Variants in DNAH11 observed in about 807,000 individuals in gnomAD.
DNAH11 encodes the protein axonemal beta dynein heavy chain 11.
In DNAH11, 442 loss-of-function variants were observed where a neutral mutation model predicts 526.0. That is an observed-to-expected ratio of 0.84 (90% CI 0.78 to 0.91). DNAH11 has a LOEUF of 0.91. Ranked by LOEUF, DNAH11 falls within the 40% of genes least tolerant of loss-of-function variation. The pLI, the probability that DNAH11 is intolerant of heterozygous loss-of-function variation, is 0.00. For missense variants in DNAH11, 6,989 were observed against 5,448.7 expected, an observed-to-expected ratio of 1.28 and a Z score of -8.90; for synonymous variants, 2,461 against 1,935.9, an observed-to-expected ratio of 1.27 and a Z score of -7.12.
chr7:21,815,599 G>A (rs1234879586), intron 63 of DNAH11, among the ~76,000 whole-genome samples: 3 of 152,062 alleles, frequency 2.0e-5, no homozygotes, highest in Non-Finnish European at 4.4e-5. Flanking sequence ...GTCTCTTATG[G>A]AGGCATGCTT....
At chr7:21,781,677 G>C (rs1787945735) in intron 57 of DNAH11, among the ~76,000 whole-genome samples, 1 of 152,158 alleles carries the variant, frequency 6.6e-6, no homozygotes, top group Non-Finnish European at 1.5e-5. Flanking sequence ...CTGGGTTTTA[G>C]AGGATCATAA....
At chr7:21,676,717 AC>A in intron 30 of DNAH11, among the ~76,000 whole-genome samples, 1 of 152,306 alleles carries the variant, frequency 6.6e-6, no homozygotes, top group Admixed American at 6.5e-5. Context: ...TTACAATTAT[AC>A]ATGTTCTTAT....
intron 65 of DNAH11, among the ~76,000 whole-genome samples, chr7:21,819,657 G>A (rs1043245547): frequency 2.6e-5 from 4 of 152,146 alleles, no homozygotes; most frequent in Non-Finnish European, 5.9e-5. Context: ...CACAATTTAG[G>A]TGTAAGCAAT....
chr7:21,676,797 A>G (rs1782910025), intron 30 of DNAH11, among the ~76,000 whole-genome samples: 4 of 152,358 alleles, frequency 2.6e-5, no homozygotes, highest in African/African-American at 7.2e-5. Flanking sequence ...TAGTGGTGTA[A>G]GATTGGATAC....
At chr7:21,553,364 T>A (rs1783096485) in intron 2 of DNAH11, among the ~76,000 whole-genome samples, 1 of 152,194 alleles carries the variant, frequency 6.6e-6, no homozygotes, top group Non-Finnish European at 1.5e-5. Flanking sequence ...TAACATTTTC[T>A]TGAATATCAG....
At chr7:21,900,824 C>G in intron 81 of DNAH11, 183 bp from the exon 82 acceptor site, 1 of 914,324 alleles carries the variant, frequency 1.1e-6, no homozygotes, top group Non-Finnish European at 1.6e-6. Flanking sequence ...GCGGTGCCTC[C>G]GCTGCAGGCA....
chr7:21,639,627 A>G (rs1205866609), intron 28 of DNAH11, among the ~76,000 whole-genome samples: 1 of 152,210 alleles, frequency 6.6e-6, no homozygotes, highest in Non-Finnish European at 1.5e-5. Flanking sequence ...GCAAATAAAA[A>G]CAGATACTAT....
chr7:21,804,556 A>G lies in DNAH11; in HGVS notation c.10165+3281A>G, dbSNP rs148326729. Among the ~76,000 whole-genome samples, 153 of 152,298 alleles carry G rather than the reference A, an allele frequency of 1.0e-3. 1 individual carries two copies. The highest frequency in any genetic ancestry group is 3.5e-3 in the African/African-American group (146 of 41,554). On this transcript the variant is annotated intron_variant, in intron 62 of 81. Coordinates refer to ENST00000409508, the MANE Select transcript of DNAH11 (RefSeq NM_001277115.2). ...AATCCCCTCTCTCCATTCCATCTCAATAACTGCAATTCTGTTCTTCCAGTT... is the reference window on the plus strand; with the variant it reads ...AATCCCCTCTCTCCATTCCATCTCAGTAACTGCAATTCTGTTCTTCCAGTT...
chr7:21,702,365 T>C (rs6951003), intron 36 of DNAH11, among the ~76,000 whole-genome samples: 1,921 of 152,138 alleles, frequency 0.013, 40 homozygotes, highest in African/African-American at 0.044. Flanking sequence ...AATGTGCTTC[T>C]GGTTGGAGGT....
intron 74 of DNAH11, among the ~76,000 whole-genome samples, chr7:21,874,291 A>G (rs532740976): frequency 7.9e-5 from 12 of 151,336 alleles, no homozygotes; most frequent in Non-Finnish European, 8.8e-5. Flanking sequence ...TTATATGTTC[A>G]TGTTTTTCCA....
chr7:21,746,900 C>T (rs544275262), intron 51 of DNAH11, among the ~76,000 whole-genome samples: 1 of 152,202 alleles, frequency 6.6e-6, no homozygotes, highest in Non-Finnish European at 1.5e-5. Context: ...TATGGGCGTC[C>T]TGGCTGAGGT....
rs1459433719 is a variant in DNAH11 at position 21,738,699 on chromosome 7, A to G, written c.7646-2A>G. ...GTGGACAGAAATATATGTTTATTTC[A>G]GAAATTCTTGAGAAACCCCTAGAGA... On this transcript the variant is annotated splice_acceptor_variant, in intron 46 of 81. Coordinates refer to ENST00000409508, the MANE Select transcript of DNAH11 (RefSeq NM_001277115.2). LOFTEE classifies it high-confidence loss of function. 6.4e-7 allele frequency: 1 copy of G among 1,563,406 alleles called. No homozygotes were observed. Among genetic ancestry groups the G allele is most frequent in the Non-Finnish European group, 8.7e-7 (1 of 1,155,122 alleles).
intron 46 of DNAH11, among the ~76,000 whole-genome samples, chr7:21,737,567 G>A (rs1478847368): frequency 1.3e-5 from 2 of 152,202 alleles, no homozygotes; most frequent in Non-Finnish European, 2.9e-5. Flanking sequence ...CAGTCCCCCT[G>A]AGTAGTATAA....
At chr7:21,636,149 G>T in intron 26 of DNAH11, 54 bp downstream of exon 26, 1 of 1,415,058 alleles carries the variant, frequency 7.1e-7, no homozygotes, top group Non-Finnish European at 9.6e-7. Flanking sequence ...AAAGTAACAT[G>T]GTTTTGAGCA....
At chr7:21,555,788 G>T (rs77676960) in intron 2 of DNAH11, among the ~76,000 whole-genome samples, 1,625 of 152,228 alleles carry the variant, frequency 0.011, 46 homozygotes, top group South Asian at 0.077. Context: ...GATCCAGGAC[G>T]CCTGGATAGA....
chr7:21,705,598 C>T (rs565238231), intron 39 of DNAH11, 61 bp downstream of exon 39: 69 of 1,548,284 alleles, frequency 4.5e-5, no homozygotes, highest in Admixed American at 2.8e-4. Context: ...CATTGTGGTT[C>T]GGCCTATTTT....
chr7:21,686,149 A>G (rs187546920), intron 32 of DNAH11, among the ~76,000 whole-genome samples: 26 of 152,300 alleles, frequency 1.7e-4, no homozygotes, highest in African/African-American at 5.8e-4. Context: ...AATCGCTTCT[A>G]TTTGCATAGT....
chr7:21,847,148 T>G (rs577543560), intron 66 of DNAH11, among the ~76,000 whole-genome samples: 4 of 152,310 alleles, frequency 2.6e-5, no homozygotes, highest in Non-Finnish European at 5.9e-5. Flanking sequence ...CTTTGGATTT[T>G]AGTTTCTCTA....
intron 35 of DNAH11, among the ~76,000 whole-genome samples, chr7:21,694,345 C>T (rs1255670377): frequency 1.3e-5 from 2 of 152,262 alleles, no homozygotes; most frequent in South Asian, 2.1e-4. Context: ...GATCTCCCTC[C>T]TCTTGCCCCC....
Sources: gnomAD v4.1 joint callset for allele counts (sites outside exome capture counted in the v4.1 genomes callset) on GRCh38, gnomAD v4.1.1 for gene constraint, MANE v1.5 for transcripts, NCBI Gene and HGNC (gene_info 2026-07-23, HGNC 2026-07-21) for gene names.